Variants in SLC24A2 observed in about 807,000 individuals in gnomAD.
SLC24A2 encodes the protein sodium/potassium/calcium exchanger 2.
A neutral mutation model predicts 62.0 loss-of-function variants in SLC24A2; 36 were observed. The ratio of observed to expected loss-of-function variants is 0.58; its 90% CI spans 0.44 to 0.77. The LOEUF (loss-of-function observed/expected upper bound fraction) is 0.77, where lower values mean the gene tolerates loss of function less well. Ranked by LOEUF, SLC24A2 falls within the 30% of genes least tolerant of loss-of-function variation. The pLI is 0.00. For synonymous variants in SLC24A2, 358 were observed against 294.0 expected, an observed-to-expected ratio of 1.22 and a Z score of -2.23; for missense variants, 846 against 817.9, an observed-to-expected ratio of 1.03 and a Z score of -0.42.
chr9:19,674,402 A>G (rs1177679513), intron 2 of SLC24A2, among the ~76,000 whole-genome samples: 1 of 152,106 alleles, frequency 6.6e-6, no homozygotes, highest in African/African-American at 2.4e-5. Context: ...TTGTATTTAG[A>G]TGTCTAAATC....
intron 2 of SLC24A2, among the ~76,000 whole-genome samples, chr9:19,655,396 T>C (rs1053159493): frequency 6.6e-6 from 1 of 152,222 alleles, no homozygotes; most frequent in African/African-American, 2.4e-5. Context: ...GGCAGGTAGA[T>C]GACTTTCACA....
chr9:19,802,690 T>A, the SLC24A2 span, among the ~76,000 whole-genome samples: 2 of 152,120 alleles, frequency 1.3e-5, no homozygotes, highest in Non-Finnish European at 2.9e-5. Flanking sequence ...AAAATCAAAT[T>A]CTTGAAAAAG....
At chr9:19,978,965 A>G in the SLC24A2 span, among the ~76,000 whole-genome samples, 33 of 152,188 alleles carry the variant, frequency 2.2e-4, no homozygotes, top group African/African-American at 8.0e-4. Flanking sequence ...TAAAGTGTCA[A>G]CAAAGGTTCA....
the SLC24A2 span, among the ~76,000 whole-genome samples, chr9:19,912,195 A>G: frequency 1.3e-5 from 2 of 152,056 alleles, no homozygotes; most frequent in African/African-American, 4.8e-5. Context: ...CTACACAAAC[A>G]CAGATACAAA....
At chr9:19,721,493 T>G (rs1380905671) in intron 2 of SLC24A2, among the ~76,000 whole-genome samples, 1 of 152,162 alleles carries the variant, frequency 6.6e-6, no homozygotes, top group African/African-American at 2.4e-5. Flanking sequence ...AACTAAACAT[T>G]AAAGTCTTCT....
chr9:19,820,060 T>TATATATATACATATATATATATACACAC, the SLC24A2 span, among the ~76,000 whole-genome samples: 1 of 112,904 alleles, frequency 8.9e-6, no homozygotes, highest in African/African-American at 3.5e-5. Context: ...TATATACACA[T>TATATATATACATATATATATATACACAC]ATATATATAT....
intron 8 of SLC24A2, among the ~76,000 whole-genome samples, chr9:19,528,853 C>T (rs1833556353): frequency 6.6e-6 from 1 of 152,124 alleles, no homozygotes; most frequent in Non-Finnish European, 1.5e-5. Flanking sequence ...CTCTCCTGTT[C>T]ACCACCCCAA....
the SLC24A2 span, among the ~76,000 whole-genome samples, chr9:20,040,649 A>G: frequency 1.3e-5 from 2 of 152,230 alleles, no homozygotes; most frequent in African/African-American, 4.8e-5. Context: ...ATAGAAATAC[A>G]TGAATTAAGT....
the SLC24A2 span, among the ~76,000 whole-genome samples, chr9:20,255,923 C>T: frequency 2.2e-3 from 330 of 152,238 alleles, 1 homozygote; most frequent in African/African-American, 7.1e-3. Context: ...TACTACAGAC[C>T]AGGTAACTGA....
At chr9:20,069,462 A>T in the SLC24A2 span, among the ~76,000 whole-genome samples, 28 of 152,210 alleles carry the variant, frequency 1.8e-4, no homozygotes, top group Non-Finnish European at 4.1e-4. Flanking sequence ...GTATAAACTT[A>T]TATGTACAGT....
intron 7 of SLC24A2, among the ~76,000 whole-genome samples, chr9:19,551,125 CCT>C (rs1834821944): frequency 1.3e-5 from 2 of 152,184 alleles, no homozygotes; most frequent in Admixed American, 1.3e-4. Context: ...TTCATTTCTC[CCT>C]GTCACCCCCA....
the SLC24A2 span, among the ~76,000 whole-genome samples, chr9:20,179,550 C>A: frequency 1.1e-4 from 17 of 152,146 alleles, no homozygotes; most frequent in African/African-American, 3.1e-4. Context: ...AGGGAGCCCT[C>A]CTCCTGGAAC....
At chr9:20,023,687 A>T in the SLC24A2 span, among the ~76,000 whole-genome samples, 2 of 152,158 alleles carry the variant, frequency 1.3e-5, no homozygotes, top group African/African-American at 4.8e-5. Flanking sequence ...CAACTTTTTC[A>T]TTTACCCAGC....
intron 7 of SLC24A2, among the ~76,000 whole-genome samples, chr9:19,565,487 C>A (rs942115305): frequency 6.6e-6 from 1 of 150,998 alleles, no homozygotes; most frequent in Non-Finnish European, 1.5e-5. Flanking sequence ...AATGGAAGAA[C>A]ATTCCATGCT....
intron 5 of SLC24A2, among the ~76,000 whole-genome samples, chr9:19,594,735 A>T (rs1322592597): frequency 6.6e-6 from 1 of 152,216 alleles, no homozygotes; most frequent in Non-Finnish European, 1.5e-5. Context: ...TCTTTATTAT[A>T]CTTCCTTAAA....
chr9:20,163,732 T>G, the SLC24A2 span, among the ~76,000 whole-genome samples: 1 of 152,086 alleles, frequency 6.6e-6, no homozygotes, highest in Admixed American at 6.6e-5. Context: ...CTTCAAACTA[T>G]ACTACAAGGC....
intron 10 of SLC24A2, among the ~76,000 whole-genome samples, chr9:19,517,910 AACACACACACACACACACACAC>A (rs56840950): frequency 4.6e-5 from 6 of 131,630 alleles, no homozygotes; most frequent in East Asian, 2.4e-4. Context: ...TTCTTATTAA[AACACACACACACACACACACAC>A]ACACACACAC....
At position 19,557,844 on chromosome 9, in the gene SLC24A2, T is replaced by A. The variant is rs932305765; in HGVS notation, c.1348-7576A>T. On this transcript the variant is annotated intron_variant, in intron 7 of 10. Transcript: ENST00000341998. The stretch of plus-strand genomic sequence containing the variant: ...TTTTTTTTTTGAGACAGGGTCTCAC[T>A]CTGTCACCTAGACTAGAGTGCTAGA... Among the ~76,000 whole-genome samples, 11 of 150,082 alleles carry A rather than the reference T, an allele frequency of 7.3e-5. No homozygotes were observed. The East Asian group carries it at 2.0e-3, about 27-fold the overall frequency.
chr9:20,149,922 T>C, the SLC24A2 span, among the ~76,000 whole-genome samples: 1 of 152,028 alleles, frequency 6.6e-6, no homozygotes, highest in Non-Finnish European at 1.5e-5. Flanking sequence ...TGATAGTCAT[T>C]AGTGCTGTCC....
Sources: allele counts gnomAD v4.1 joint callset (sites outside exome capture counted in the v4.1 genomes callset), GRCh38; gene constraint gnomAD v4.1.1; transcripts MANE v1.5; gene names NCBI Gene and HGNC (gene_info 2026-07-23, HGNC 2026-07-21).